Variants in ACSS3 observed in about 807,000 individuals in gnomAD.
The protein encoded by ACSS3 is acyl-CoA synthetase short chain family member 3.
ACSS3 carries 64 observed loss-of-function variants against 84.2 expected under a neutral mutation model. That is an observed-to-expected ratio of 0.76 (90% CI 0.62 to 0.94). The LOEUF is 0.94. Among genes scored for constraint, ACSS3 ranks in the 40% least tolerant of loss-of-function variants. The probability of loss-of-function intolerance (pLI) is 0.00; values close to 1 mark genes in which losing one functional copy is unlikely to be tolerated. For synonymous variants in ACSS3, 317 were observed against 310.1 expected, an observed-to-expected ratio of 1.02 and a Z score of -0.23; for missense variants, 815 against 867.6, an observed-to-expected ratio of 0.94 and a Z score of 0.76.
intron 2 of ACSS3, among the ~76,000 whole-genome samples, chr12:81,113,890 T>C (rs997453648): frequency 6.6e-6 from 1 of 152,116 alleles, no homozygotes; most frequent in Non-Finnish European, 1.5e-5. Flanking sequence ...ATTCTTGCTC[T>C]TGTTAGCTCT....
At chr12:81,078,015 C>G (rs1330491348), upstream of ACSS3, 1 of 1,284,602 alleles carries the variant, frequency 7.8e-7, no homozygotes, top group East Asian at 2.6e-5. Flanking sequence ...GGGCTCTGGG[C>G]TCACTTCGGA....
intron 8 of ACSS3, among the ~76,000 whole-genome samples, chr12:81,189,446 T>C (rs1039535626): frequency 2.6e-5 from 4 of 152,140 alleles, no homozygotes; most frequent in African/African-American, 7.2e-5. Flanking sequence ...ATGTCAAAGT[T>C]GTTAATGAGG....
chr12:81,237,931 C>A (rs1245715717), intron 13 of ACSS3, among the ~76,000 whole-genome samples: 1 of 151,558 alleles, frequency 6.6e-6, no homozygotes, highest in Non-Finnish European at 1.5e-5. Context: ...TTGCCTTGTT[C>A]CAGATCTTAG....
Position 81,256,667 on chromosome 12 carries a change from A to G in ACSS3, c.*1745A>G, listed in dbSNP as rs1434195157. 1 of 152,168 alleles carries G rather than the reference A, an allele frequency of 6.6e-6. No homozygotes were observed. The highest frequency in any genetic ancestry group is 1.9e-4 in the East Asian group (1 of 5,188). The allele number at this position is 152,168 out of a possible 1,614,324, so 9.4% of individuals were successfully genotyped here. ...AATAGATAATAGAAAGTTTATTGTT[A>G]TAAAAATGACCTACAACTTATATAA... On this transcript the variant is annotated 3_prime_UTR_variant, in exon 16 of 16. Transcript: ENST00000548058.
At chr12:81,078,831 G>A (rs1167254389) in intron 1 of ACSS3, among the ~76,000 whole-genome samples, 1 of 152,174 alleles carries the variant, frequency 6.6e-6, no homozygotes, top group African/African-American at 2.4e-5. Flanking sequence ...CTATGGGGAG[G>A]GAGGGTTAAG....
intron 8 of ACSS3, among the ~76,000 whole-genome samples, chr12:81,189,616 A>C (rs1249892555): frequency 1.3e-5 from 2 of 152,064 alleles, no homozygotes; most frequent in Non-Finnish European, 2.9e-5. Context: ...TTACTGACTT[A>C]TATGTATTAT....
chr12:81,169,685 C>T (rs1422711649), intron 7 of ACSS3, among the ~76,000 whole-genome samples: 1 of 151,696 alleles, frequency 6.6e-6, no homozygotes, highest in African/African-American at 2.4e-5. Flanking sequence ...TTTTTTTTCA[C>T]TAAATAGTAT....
At chr12:81,227,605 C>T (rs1193472627) in intron 11 of ACSS3, among the ~76,000 whole-genome samples, 1 of 151,834 alleles carries the variant, frequency 6.6e-6, no homozygotes, top group Non-Finnish European at 1.5e-5. Context: ...GGTTTAGGTA[C>T]GTTGGTCACA....
chr12:81,107,053 T>A (rs568787696), intron 1 of ACSS3, among the ~76,000 whole-genome samples: 8 of 152,122 alleles, frequency 5.3e-5, no homozygotes, highest in African/African-American at 1.9e-4. Context: ...TTATTTTTTT[T>A]AAGTAGAGAT....
At chr12:81,226,812 T>C (rs1265123820) in intron 11 of ACSS3, among the ~76,000 whole-genome samples, 1 of 151,916 alleles carries the variant, frequency 6.6e-6, no homozygotes, top group Non-Finnish European at 1.5e-5. Context: ...CTGTGGCTTC[T>C]TGTTATCCAA....
In ACSS3 at chr12:81,121,411, A is replaced by G. The variant is rs1234090260; in HGVS notation, c.456+11707A>G. On this transcript the variant is annotated intron_variant, in intron 2 of 15. Coordinates refer to ENST00000548058, the MANE Select transcript of ACSS3 (RefSeq NM_024560.4). ...TTCTTTAAGAGAAAAAAAGCCTCTAAGAAACCAATTTGGCTTTTTTTTTTC... is the reference window on the plus strand; with the variant it reads ...TTCTTTAAGAGAAAAAAAGCCTCTAGGAAACCAATTTGGCTTTTTTTTTTC... Among the ~76,000 whole-genome samples, 6 of 152,240 alleles carry G rather than the reference A, an allele frequency of 3.9e-5. No homozygotes were observed. In the South Asian group the frequency reaches 8.3e-4, roughly 21 times the overall value.
intron 12 of ACSS3, 47 bp downstream of exon 12, chr12:81,231,185 A>G (rs2293651): frequency 7.0e-7 from 1 of 1,432,448 alleles, no homozygotes; most frequent in Non-Finnish European, 9.6e-7. Flanking sequence ...ACTTTTCTAT[A>G]ATTCTTGCCT....
rs1883422116 is a variant in ACSS3, at chr12:81,109,815, C to A, written c.456+111C>A. ...TTCTCTAATGCATTGAAATATGTTG[C>A]CATGCTTTTCTTTTGATACACATTG... On this transcript the variant is annotated intron_variant, in intron 2 of 15. Transcript: ENST00000548058. The A allele has an allele frequency of 9.8e-6, 9 of 917,460 alleles. No individual in the cohort carries two copies. In the South Asian group the frequency reaches 1.1e-4, roughly 12 times the overall value. 56.8% of individuals were successfully genotyped at this position (917,460 alleles called of 1,614,324 possible). A position where few individuals can be genotyped will look rare whatever the true frequency, so the allele number is the denominator to read the frequency against.
chr12:81,225,157 T>G (rs956018023), intron 11 of ACSS3, among the ~76,000 whole-genome samples: 1 of 147,488 alleles, frequency 6.8e-6, no homozygotes, highest in Non-Finnish European at 1.5e-5. Context: ...GGAACTACTT[T>G]GTGTGTGTGT....
intron 7 of ACSS3, among the ~76,000 whole-genome samples, chr12:81,170,877 G>A (rs981151321): frequency 5.9e-5 from 9 of 152,050 alleles, no homozygotes; most frequent in East Asian, 1.9e-4. Context: ...GTGTGTGTGC[G>A]TGTGCATGAA....
Position 81,156,276 on chromosome 12 carries a change from T to A in ACSS3, c.1098+4180T>A, listed in dbSNP as rs1378742108. Among the ~76,000 whole-genome samples the A allele has an allele frequency of 2.0e-5, 3 of 150,852 alleles. No individual in the cohort carries two copies. The East Asian group carries it at 5.8e-4, about 29-fold the overall frequency. On this transcript the variant is annotated intron_variant, in intron 7 of 15. Coordinates refer to ENST00000548058, the MANE Select transcript of ACSS3 (RefSeq NM_024560.4). Reference sequence around the variant, plus strand: ...CAAACTGATTGAAAAAGAAAGTACATCATATAAAATTTTGGAGGACACAAC... The same window carrying A: ...CAAACTGATTGAAAAAGAAAGTACAACATATAAAATTTTGGAGGACACAAC...
At chr12:81,180,697 G>A (rs534441356) in intron 8 of ACSS3, among the ~76,000 whole-genome samples, 1 of 152,132 alleles carries the variant, frequency 6.6e-6, no homozygotes, top group Non-Finnish European at 1.5e-5. Context: ...TGTATTATTA[G>A]CAGAGACAGG....
intron 1 of ACSS3, 149 bp downstream of exon 1, chr12:81,078,580 C>A: frequency 2.3e-6 from 2 of 888,264 alleles, no homozygotes; most frequent in Non-Finnish European, 1.7e-6. Flanking sequence ...TGTTTCATTT[C>A]AATTTCATAG....
intron 4 of ACSS3, 110 bp from the exon 5 acceptor site, chr12:81,142,997 A>G (rs1355116933): frequency 2.0e-6 from 2 of 1,020,864 alleles, no homozygotes; most frequent in Non-Finnish European, 2.6e-6. Context: ...AGTGCCATAT[A>G]GGCCTAGATT....
Sources: gnomAD v4.1 joint callset for allele counts (sites outside exome capture counted in the v4.1 genomes callset) on GRCh38, gnomAD v4.1.1 for gene constraint, MANE v1.5 for transcripts, NCBI Gene and HGNC (gene_info 2026-07-23, HGNC 2026-07-21) for gene names.